The following COTL1 variants were observed in gnomAD, a reference collection of about 807,000 sequenced individuals.
The protein encoded by COTL1 is coactosin-like protein.
In COTL1, 15 loss-of-function variants were observed where a neutral mutation model predicts 16.5. The ratio of observed to expected loss-of-function variants is 0.91; its 90% CI spans 0.61 to 1.40. COTL1 has a LOEUF of 1.40. Ranked by LOEUF, COTL1 falls within the 40% of genes most tolerant of loss-of-function variation. The pLI is 0.00. For synonymous variants in COTL1, 112 were observed against 85.3 expected (o/e 1.31, Z -1.73); for missense variants, 220 against 201.5 (o/e 1.09, Z -0.56).
At chr16:84,603,856 A>G (rs1051899960) in intron 2 of COTL1, among the ~76,000 whole-genome samples, 25 of 151,854 alleles carry the variant, frequency 1.6e-4, no homozygotes, top group African/African-American at 5.6e-4. Context: ...AACAAAAGTG[A>G]TCAGAATAAA....
intron 3 of COTL1, among the ~76,000 whole-genome samples, chr16:84,578,536 T>C (rs184008458): frequency 2.6e-5 from 4 of 152,202 alleles, no homozygotes; most frequent in Admixed American, 2.6e-4. Flanking sequence ...GATCACAGGA[T>C]TCACTCCACG....
chr16:84,601,370 G>A (rs1025351440), intron 2 of COTL1, among the ~76,000 whole-genome samples: 1 of 152,182 alleles, frequency 6.6e-6, no homozygotes, highest in Admixed American at 6.5e-5. Flanking sequence ...GCAGTTACAG[G>A]AGCATCAAGG....
intron 2 of COTL1, among the ~76,000 whole-genome samples, chr16:84,593,574 C>G (rs539905668): frequency 6.6e-6 from 1 of 151,476 alleles, no homozygotes. Flanking sequence ...TGCAGTGGCG[C>G]GATCTCGGCT....
At chr16:84,614,490 G>T (rs533859437) in intron 2 of COTL1, among the ~76,000 whole-genome samples, 1 of 152,042 alleles carries the variant, frequency 6.6e-6, no homozygotes, top group Non-Finnish European at 1.5e-5. Flanking sequence ...CTGGAAAGCC[G>T]TGGGGGAGGA....
chr16:84,616,860 G>C (rs1039706877), intron 2 of COTL1, among the ~76,000 whole-genome samples: 3 of 152,166 alleles, frequency 2.0e-5, no homozygotes, highest in Non-Finnish European at 4.4e-5. Flanking sequence ...TGTCTACAGA[G>C]ACATTTTCAG....
chr16:84,615,913 G>C (rs1303773541), intron 2 of COTL1: 3 of 151,316 alleles, frequency 2.0e-5, no homozygotes, highest in African/African-American at 7.3e-5. Context: ...CCATCCTCTA[G>C]TAGTCACACC....
At chr16:84,587,289 T>C (rs1297899382) in intron 3 of COTL1, among the ~76,000 whole-genome samples, 1 of 152,070 alleles carries the variant, frequency 6.6e-6, no homozygotes, top group Non-Finnish European at 1.5e-5. Flanking sequence ...ATTTCCTCGG[T>C]CCCAGGCACA....
rs147281949 is a variant in COTL1 at position 84,580,287 on chromosome 16, G to A, written c.318+9818C>T. On this transcript the variant is annotated intron_variant, in intron 3 of 3. Coordinates refer to ENST00000262428, the MANE Select transcript of COTL1 (RefSeq NM_021149.5). Reference sequence around the variant, plus strand: ...TGTTTTTGAGACAAGGTCTTGCTCTGTCGCCCACACTGGAGTGCCACTGCA... The same window carrying A: ...TGTTTTTGAGACAAGGTCTTGCTCTATCGCCCACACTGGAGTGCCACTGCA... Among the ~76,000 whole-genome samples, 1,128 of 152,280 alleles carry A rather than the reference G, an allele frequency of 7.4e-3. 17 individuals are homozygous for A. Among genetic ancestry groups the A allele is most frequent in the African/African-American group, 0.026 (1,066 of 41,552 alleles).
At chr16:84,589,613 G>A (rs1429263) in intron 3 of COTL1, among the ~76,000 whole-genome samples, 1,874 of 152,138 alleles carry the variant, frequency 0.012, 38 homozygotes, top group African/African-American at 0.042. Flanking sequence ...CGTGTTACCC[G>A]TACCCCAAGT....
chr16:84,569,944 G>A (rs541127346), intron 3 of COTL1, among the ~76,000 whole-genome samples: 2 of 152,324 alleles, frequency 1.3e-5, no homozygotes, highest in East Asian at 3.9e-4. Context: ...AACACTTGAA[G>A]TTCCAGTCGG....
intron 2 of COTL1, among the ~76,000 whole-genome samples, chr16:84,609,971 C>T (rs1195816932): frequency 2.0e-5 from 3 of 152,196 alleles, no homozygotes; most frequent in Non-Finnish European, 4.4e-5. Context: ...ACACACTATC[C>T]CTGAATTCCT....
At chr16:84,574,478 A>T (rs954521648) in intron 3 of COTL1, among the ~76,000 whole-genome samples, 3 of 152,176 alleles carry the variant, frequency 2.0e-5, no homozygotes, top group African/African-American at 7.2e-5. Context: ...TTTCTTGCCA[A>T]AGCAGGATTT....
chr16:84,585,368 A>AAC (rs1904694899), intron 3 of COTL1, among the ~76,000 whole-genome samples: 1 of 151,816 alleles, frequency 6.6e-6, no homozygotes. Flanking sequence ...AAAAAAAAAA[A>AAC]AATCGCCCCC....
intron 3 of COTL1, among the ~76,000 whole-genome samples, chr16:84,585,418 A>C (rs1203400272): frequency 1.3e-5 from 2 of 152,136 alleles, no homozygotes; most frequent in Non-Finnish European, 2.9e-5. Context: ...CGTGCAATTA[A>C]TTTACACCCT....
At chr16:84,603,302 C>T (rs1196822089) in intron 2 of COTL1, among the ~76,000 whole-genome samples, 12 of 152,210 alleles carry the variant, frequency 7.9e-5, no homozygotes, top group South Asian at 4.1e-4. Context: ...ATGCAACATC[C>T]GAGGCAGAAC....
At chr16:84,582,013 T>G (rs1904608024) in intron 3 of COTL1, among the ~76,000 whole-genome samples, 2 of 125,696 alleles carry the variant, frequency 1.6e-5, no homozygotes, top group African/African-American at 6.7e-5. Flanking sequence ...TGAGATGGAG[T>G]CTTGCTCTGT....
At chr16:84,617,371 C>T (rs1357004203) in intron 2 of COTL1, 130 bp downstream of exon 2, 3 of 792,676 alleles carry the variant, frequency 3.8e-6, no homozygotes, top group Admixed American at 2.3e-5. Context: ...CACCGGGTTC[C>T]TCCCACGCCA....
chr16:84,579,335 C>A (rs1904525899), intron 3 of COTL1, among the ~76,000 whole-genome samples: 1 of 152,138 alleles, frequency 6.6e-6, no homozygotes, highest in Non-Finnish European at 1.5e-5. Context: ...TTAAAAATAC[C>A]AAATTAGCTG....
intron 3 of COTL1, chr16:84,567,178 T>TG (rs1480223791): frequency 2.0e-6 from 1 of 503,042 alleles, no homozygotes; most frequent in African/African-American, 2.0e-5. Context: ...GAGGAGGGAG[T>TG]GGGGCAGATC....
Sources: allele counts gnomAD v4.1 joint callset (sites outside exome capture counted in the v4.1 genomes callset), GRCh38; gene constraint gnomAD v4.1.1; transcripts MANE v1.5; gene names NCBI Gene and HGNC (gene_info 2026-07-23, HGNC 2026-07-21).